The following CCDC154 variants were observed in gnomAD, a reference collection of about 807,000 sequenced individuals.
CCDC154 encodes the protein coiled-coil domain-containing protein 154.
CCDC154 carries 91 observed loss-of-function variants against 87.5 expected under a neutral mutation model. That is an observed-to-expected ratio of 1.04 (90% CI 0.88 to 1.24). The LOEUF is 1.24. Ranked by LOEUF, CCDC154 falls within the 50% of genes most tolerant of loss-of-function variation. The pLI, the probability that CCDC154 is intolerant of heterozygous loss-of-function variation, is 0.00. For missense variants in CCDC154, 903 were observed against 879.2 expected (o/e 1.03, Z -0.34); for synonymous variants, 418 against 400.4 (o/e 1.04, Z -0.52).
At chr16:1,441,658 C>T (rs753721530) in intron 6 of CCDC154, among the ~76,000 whole-genome samples, 6 of 152,144 alleles carry the variant, frequency 3.9e-5, no homozygotes, top group Non-Finnish European at 5.9e-5. Context: ...TTCGGGGCTG[C>T]GATCTGTGGA....
At position 1,444,007 on chromosome 16, in the gene CCDC154, C is replaced by T; in HGVS notation, c.13G>A (p.Ala5Thr). The change falls in exon 2 of 17, where the codon GCT becomes ACT. Residue 5 changes from alanine (A) to threonine (T), a missense_variant. By Grantham distance (58) the Ala-to-Thr change is moderately conservative (BLOSUM62 0). Transcript: ENST00000389176. MSEL[A>T]DSGPSGASAP... ...GATGCCCCTGAGGGTCCACTGTCAG[C>T]CAACTCTACAAGGAGGCATCTTGGG... The T allele has an allele frequency of 7.7e-7, 1 of 1,299,424 alleles. No individual in the cohort carries two copies. The allele number at this position is 1,299,424 out of a possible 1,614,324, so 80.5% of individuals were successfully genotyped here. A position where few individuals can be genotyped will look rare whatever the true frequency, so the allele number is the denominator to read the frequency against.
At position 1,443,909 on chromosome 16, in the gene CCDC154, G is replaced by C; in HGVS notation, c.111C>G (p.Pro37=). 1 of 1,304,106 alleles carries C rather than the reference G, an allele frequency of 7.7e-7. No homozygotes were observed. The highest frequency in any genetic ancestry group is 1.5e-5 in the African/African-American group (1 of 66,008). 80.8% of individuals were successfully genotyped at this position (1,304,106 alleles called of 1,614,324 possible). The change falls in exon 2 of 17, where the codon CCC becomes CCG. Residue 37 remains proline, a synonymous_variant. Transcript: ENST00000389176. ...AGAGCTCCTCCAGGCTCAAGGGCTCGGGGCTGGCCAGGCCTCCTGCCAGGA... is the reference window on the plus strand; with the variant it reads ...AGAGCTCCTCCAGGCTCAAGGGCTCCGGGCTGGCCAGGCCTCCTGCCAGGA... The part of the protein sequence containing the change: ...GLLLAGGLAS[P]EPLSLEELSE...
Position 1,438,680 on chromosome 16 carries a change from T to C in CCDC154, c.964A>G (p.Lys322Glu). The C allele has an allele frequency of 6.5e-7, 1 of 1,550,060 alleles. No individual in the cohort carries two copies. Among genetic ancestry groups the C allele is most frequent in the Non-Finnish European group, 8.7e-7 (1 of 1,146,768 alleles). ...GACGCCTGGTTCTGCTGCACAAACT[T>C]GGTCAGCTGGGCCACGGCAGCATCC... ...GLDAAVAQLTKFVQQNQASLN... is the reference protein window; with the variant it reads ...GLDAAVAQLTEFVQQNQASLN... The change falls in exon 9 of 17, where the codon AAG becomes GAG. Residue 322 changes from lysine (K) to glutamate (E), a missense_variant. By Grantham distance (56) the Lys-to-Glu change is moderately conservative. Coordinates refer to ENST00000389176, the MANE Select transcript of CCDC154 (RefSeq NM_001143980.3).
At chr16:1,440,596 C>G (rs1440205410) in intron 6 of CCDC154, among the ~76,000 whole-genome samples, 2 of 150,758 alleles carry the variant, frequency 1.3e-5, no homozygotes, top group Non-Finnish European at 3.0e-5. Context: ...CACTTGAGCC[C>G]AGGAGTTTGA....
chr16:1,437,026 G>C (rs969175711), intron 11 of CCDC154: 7 of 643,276 alleles, frequency 1.1e-5, no homozygotes, highest in East Asian at 8.6e-5. Context: ...CCGAGGGCCC[G>C]TGGGGGCTGT....
At chr16:1,442,054 C>A (rs922111285) in intron 6 of CCDC154, among the ~76,000 whole-genome samples, 1 of 152,134 alleles carries the variant, frequency 6.6e-6, no homozygotes. Context: ...GTAGCTGAGG[C>A]TACAGGTGCC....
Position 1,444,423 on chromosome 16 carries a change from C to T in CCDC154, c.-101G>A. On this transcript the variant is annotated 5_prime_UTR_variant, in exon 1 of 17. Coordinates refer to ENST00000389176, the MANE Select transcript of CCDC154 (RefSeq NM_001143980.3). ...GGGCACAGGCCAGGGGGGTCAGGAG[C>T]CAGAGGAAGTCCCGTGAGAGCTCTG... is the stretch of plus-strand genomic sequence containing the variant. 8.5e-7 allele frequency: 1 copy of T among 1,175,744 alleles called. No individual in the cohort carries two copies. The highest frequency in any genetic ancestry group is 1.4e-5 in the South Asian group (1 of 71,824). The allele number at this position is 1,175,744 out of a possible 1,614,324, so 72.8% of individuals were successfully genotyped here.
In CCDC154 at chr16:1,438,907, C is replaced by T; in HGVS notation, c.814G>A (p.Glu272Lys). The T allele has an allele frequency of 6.5e-7, 1 of 1,549,702 alleles. No individual in the cohort carries two copies. Among genetic ancestry groups the T allele is most frequent in the Non-Finnish European group, 8.7e-7 (1 of 1,146,684 alleles). The part of the protein sequence containing the change: ...KASESSRLKL[E>K]GSLRGELESR... ...TCCAGCTCGCCCCGCAGGCTGCCCT[C>T]CAGCTTCAGCCGTGAGCTCTCCGAG... is the stretch of plus-strand genomic sequence containing the variant. Residue 272 changes from glutamate to lysine, a missense_variant, in exon 8 of 17, where the codon GAG (glutamate) becomes AAG (lysine). Transcript: ENST00000389176.
rs1312884455 is a variant in CCDC154, at chr16:1,438,132, G to A, written c.1070C>T (p.Ala357Val). 2 of 1,548,034 alleles carry A rather than the reference G, an allele frequency of 1.3e-6. No individual in the cohort carries two copies. Among genetic ancestry groups the A allele is most frequent in the Non-Finnish European group, 8.7e-7 (1 of 1,145,730 alleles). The stretch of plus-strand genomic sequence containing the variant: ...CTCCAGGTTCTCCTGCACATAGGCG[G>A]CCAGCTCCCCAGCCCGGCTTTCCTC... ...RLEESRAGEL[A>V]AYVQENLEAA... Residue 357 changes from alanine to valine, a missense_variant, in exon 10 of 17, where the codon GCC (alanine) becomes GTC (valine). Physicochemically the swap from Ala to Val is moderately conservative, Grantham distance 64 (BLOSUM62 0). Coordinates refer to ENST00000389176, the MANE Select transcript of CCDC154 (RefSeq NM_001143980.3).
In CCDC154 at chr16:1,442,318, C is replaced by T. The variant is rs760238309; in HGVS notation, c.675+88G>A. 1,296 of 1,382,594 alleles carry T rather than the reference C, an allele frequency of 9.4e-4. 1 individual carries two copies. The highest frequency in any genetic ancestry group is 1.1e-3 in the Non-Finnish European group (1,191 of 1,042,698). 85.6% of individuals were successfully genotyped at this position (1,382,594 alleles called of 1,614,324 possible). ...TGGACACAGATACATGGTGAACGGC[C>T]GCTGTATCGGATGGCACAGGCCGAG... On this transcript the variant is annotated intron_variant, in intron 6 of 16. Transcript: ENST00000389176.
Position 1,437,716 on chromosome 16 carries a change from CG to C in CCDC154, c.1290+100del. The C allele has an allele frequency of 4.4e-6, 6 of 1,355,540 alleles. No homozygotes were observed. In the East Asian group the frequency reaches 1.3e-4, roughly 29 times the overall value. The allele number at this position is 1,355,540 out of a possible 1,614,324, so 84.0% of individuals were successfully genotyped here. ...CTGGGTGGGACGGGAGGCTTGGGAC[CG>C]GCCTGTCAGGCCTCTACCCTGGGGG... On this transcript the variant is annotated intron_variant, in intron 11 of 16. Coordinates refer to ENST00000389176, the MANE Select transcript of CCDC154 (RefSeq NM_001143980.3).
chr16:1,436,234 G>A, intron 13 of CCDC154, 148 bp from the exon 14 acceptor site: 1 of 827,620 alleles, frequency 1.2e-6, no homozygotes, highest in Non-Finnish European at 1.9e-6. Flanking sequence ...GGAAGGTGGG[G>A]GTCCCCAACG....
At chr16:1,439,456 C>CG (rs201596524) in intron 6 of CCDC154, 1 of 371,204 alleles carries the variant, frequency 2.7e-6, no homozygotes, top group South Asian at 3.6e-5. Context: ...GAGTGTCGTG[C>CG]AGGTGTCCCC....
rs772063383 is a variant in CCDC154, at chr16:1,436,086, C to T, written c.1488G>A (p.Arg496=). The stretch of plus-strand genomic sequence containing the variant: ...GCCGCAGGGCCCCAACCTTGAACTC[C>T]CTATGGGCACCAGAGGCCGAGGCTG... ...DLRISAEGKA[R]EFKVGALRQE... Residue 496 remains arginine, a splice_region_variant and synonymous_variant, in exon 14 of 17, where the codon AGG becomes AGA. Coordinates refer to ENST00000389176, the MANE Select transcript of CCDC154 (RefSeq NM_001143980.3). 1.3e-6 allele frequency: 2 copies of T among 1,549,572 alleles called. No homozygotes were observed. Among genetic ancestry groups the T allele is most frequent in the South Asian group, 2.4e-5 (2 of 84,052 alleles).
chr16:1,435,216 GC>G, intron 14 of CCDC154, 41 bp from the exon 15 acceptor site: 1 of 1,519,320 alleles, frequency 6.6e-7, no homozygotes, highest in Non-Finnish European at 8.9e-7. Flanking sequence ...GGGCCAGTCT[GC>G]TGGCATCCTG....
intron 6 of CCDC154, among the ~76,000 whole-genome samples, chr16:1,441,226 C>T (rs78419307): frequency 2.0e-5 from 3 of 152,244 alleles, no homozygotes; most frequent in Non-Finnish European, 2.9e-5. Flanking sequence ...GCAGCTCCCC[C>T]ACACCTGGCA....
At position 1,443,511 on chromosome 16, in the gene CCDC154, G is replaced by A. The variant is rs374630467; in HGVS notation, c.409C>T (p.Pro137Ser). The change falls in exon 3 of 17, where the codon CCG (proline) becomes TCG (serine). Residue 137 changes from proline (P) to serine (S), a missense_variant. By Grantham distance (74) the Pro-to-Ser change is moderately conservative. Transcript: ENST00000389176. ...TGGGTGGGGGAGCCGCTCACCTCCG[G>A]CGCCTCCTTTTCGGGGGCCTGGGCT... ...PAAQAPEKEAPEFSGLQNQMQ... is the reference protein window; with the variant it reads ...PAAQAPEKEASEFSGLQNQMQ... 2.2e-5 allele frequency: 32 copies of A among 1,471,956 alleles called. No homozygotes were observed. The African/African-American group carries it at 4.4e-4, about 20-fold the overall frequency. The allele number at this position is 1,471,956 out of a possible 1,614,324, so 91.2% of individuals were successfully genotyped here.
Position 1,437,891 on chromosome 16 carries a change from G to A in CCDC154, c.1216C>T (p.Leu406=). 6.5e-7 allele frequency: 1 copy of A among 1,546,156 alleles called. No individual in the cohort carries two copies. The highest frequency in any genetic ancestry group is 8.7e-7 in the Non-Finnish European group (1 of 1,146,554). ...CTCAGAGCCGGGAGATGGCCACTCAGCTCCTTTAACTGCCCGGCCAGCTGC... is the reference window on the plus strand; with the variant it reads ...CTCAGAGCCGGGAGATGGCCACTCAACTCCTTTAACTGCCCGGCCAGCTGC... ...VAQLAGQLKE[L]SGHLPALSSR... is the part of the protein sequence containing the mutation. The change falls in exon 11 of 17, where the codon CTG becomes TTG. Residue 406 remains leucine (L), a synonymous_variant. Coordinates refer to ENST00000389176, the MANE Select transcript of CCDC154 (RefSeq NM_001143980.3).
In CCDC154 at chr16:1,437,855, C is replaced by G. The variant is rs751415802; in HGVS notation, c.1252G>C (p.Asp418His). Residue 418 changes from aspartate (D) to histidine (H), a missense_variant, in exon 11 of 17, where the codon GAT (aspartate) becomes CAT (histidine). By Grantham distance (81) the Asp-to-His change is moderately conservative (BLOSUM62 -1). Transcript: ENST00000389176. ...GHLPALSSRL[D>H]LQEQMLGLRL... ...AGGCCCAGCATCTGCTCCTGCAGAT[C>G]GAGCCGGCTGCTCAGAGCCGGGAGA... 2 of 1,541,526 alleles carry G rather than the reference C, an allele frequency of 1.3e-6. No homozygotes were observed. The highest frequency in any genetic ancestry group is 2.4e-5 in the East Asian group (1 of 40,888).
Sources: gnomAD v4.1 joint callset for allele counts (sites outside exome capture counted in the v4.1 genomes callset) on GRCh38, gnomAD v4.1.1 for gene constraint, MANE v1.5 for transcripts, NCBI Gene and HGNC (gene_info 2026-07-23, HGNC 2026-07-21) for gene names.